Variants in CDC42BPB observed in about 807,000 individuals in gnomAD.
CDC42BPB encodes CDC42 binding protein kinase beta.
A neutral mutation model predicts 214.9 loss-of-function variants in CDC42BPB; 37 were observed. The ratio of observed to expected loss-of-function variants is 0.17; its 90% confidence interval spans 0.13 to 0.23. The LOEUF (loss-of-function observed/expected upper bound fraction) is 0.23, where lower values mean the gene tolerates loss of function less well. CDC42BPB is among the 10% of genes least tolerant of loss of function. The probability of loss-of-function intolerance (pLI) is 1.00; values close to 1 mark genes in which losing one functional copy is unlikely to be tolerated. For missense variants in CDC42BPB, 1,694 were observed against 2,227.0 expected (o/e 0.76, Z 4.82); for synonymous variants, 931 against 884.0 (o/e 1.05, Z -0.94).
chr14:102,967,404 G>T (rs1375853706), intron 16 of CDC42BPB: 3 of 954,114 alleles, frequency 3.1e-6, no homozygotes, highest in East Asian at 2.3e-4. Flanking sequence ...CAGGCAATTG[G>T]CATCTTTTCG....
At chr14:102,995,210 T>C (rs1894673462) in intron 5 of CDC42BPB, among the ~76,000 whole-genome samples, 1 of 152,058 alleles carries the variant, frequency 6.6e-6, no homozygotes, top group South Asian at 2.1e-4. Context: ...GTATCGCTCT[T>C]GTTCTCCAGG....
intron 1 of CDC42BPB, among the ~76,000 whole-genome samples, chr14:103,055,241 T>G (rs925851778): frequency 6.6e-6 from 1 of 152,118 alleles, no homozygotes; most frequent in Non-Finnish European, 1.5e-5. Flanking sequence ...TGGCCAACAC[T>G]GTGAAACCCC....
rs367865440 is a variant in CDC42BPB, at chr14:102,975,764, C to A, written c.1427G>T (p.Arg476Leu). Residue 476 changes from arginine to leucine, a missense_variant, in exon 11 of 37, where the codon CGG (arginine) becomes CTG (leucine). This residue lies in a region of CDC42BPB where 462 missense variants were observed against 513.5 expected (regional missense o/e 0.90). Transcript: ENST00000361246. ...ATCTCGGTTTGAATTGCTGAGGGCC[C>A]GAGATGAGCCGTGGAGGGACTGCAC... Reference protein sequence around the residue: ...QTVQSLHGSSRALSNSNRDKE... With the variant: ...QTVQSLHGSSLALSNSNRDKE... The A allele has an allele frequency of 1.2e-6, 2 of 1,613,980 alleles. No homozygotes were observed. Among genetic ancestry groups the A allele is most frequent in the East Asian group, 4.5e-5 (2 of 44,896 alleles).
chr14:103,007,428 C>A (rs1299045530), intron 3 of CDC42BPB, among the ~76,000 whole-genome samples: 3 of 152,242 alleles, frequency 2.0e-5, no homozygotes, highest in East Asian at 3.9e-4. Context: ...AAGGTGGCAA[C>A]CATCATGGGC....
intron 16 of CDC42BPB, among the ~76,000 whole-genome samples, chr14:102,967,503 G>C (rs36043797): frequency 6.6e-6 from 1 of 152,200 alleles, no homozygotes; most frequent in Admixed American, 6.5e-5. Context: ...GCAAGAACAC[G>C]GTCTGAGAAA....
At chr14:103,000,360 G>A (rs746886517) in intron 4 of CDC42BPB, among the ~76,000 whole-genome samples, 4 of 152,272 alleles carry the variant, frequency 2.6e-5, no homozygotes, top group Non-Finnish European at 2.9e-5. Flanking sequence ...CCCGAGGTGA[G>A]CCTGCGTAGA....
At chr14:103,008,583 G>C in intron 2 of CDC42BPB, 28 bp from the exon 3 acceptor site, 1 of 1,590,902 alleles carries the variant, frequency 6.3e-7, no homozygotes, top group Non-Finnish European at 8.6e-7. Flanking sequence ...GTTGAACAAA[G>C]ATGCGGTTCT....
intron 2 of CDC42BPB, among the ~76,000 whole-genome samples, chr14:103,011,144 T>C (rs1266406291): frequency 1.3e-5 from 2 of 152,226 alleles, no homozygotes; most frequent in Non-Finnish European, 2.9e-5. Flanking sequence ...GGCAGAACTG[T>C]TCTGCAAGGC....
chr14:102,938,091 G>A lies in CDC42BPB; in HGVS notation c.5004+13C>T, dbSNP rs1233136463. 1.2e-6 allele frequency: 2 copies of A among 1,613,394 alleles called. No individual in the cohort carries two copies. Among genetic ancestry groups the A allele is most frequent in the East Asian group, 4.5e-5 (2 of 44,886 alleles). ...GGCTCATAGCCTCAGCACTGGACCTGGGCAAGTCTCACCTCTTTGTCAAAG... is the reference window on the plus strand; with the variant it reads ...GGCTCATAGCCTCAGCACTGGACCTAGGCAAGTCTCACCTCTTTGTCAAAG... On this transcript the variant is annotated intron_variant, in intron 36 of 36. Coordinates refer to ENST00000361246, the MANE Select transcript of CDC42BPB (RefSeq NM_006035.4).
chr14:103,043,783 T>C (rs1158083536), intron 1 of CDC42BPB, among the ~76,000 whole-genome samples: 1 of 152,046 alleles, frequency 6.6e-6, no homozygotes, highest in Non-Finnish European at 1.5e-5. Context: ...TAAATTTCTC[T>C]ATATTGCTGA....
At chr14:103,041,973 CGAG>C (rs879359024) in intron 1 of CDC42BPB, 37 of 335,954 alleles carry the variant, frequency 1.1e-4, no homozygotes, top group Non-Finnish European at 1.6e-4. Context: ...AAGTCATCAC[CGAG>C]GAGAAGAATT....
At chr14:103,026,604 C>T (rs898864807) in intron 1 of CDC42BPB, among the ~76,000 whole-genome samples, 1 of 152,042 alleles carries the variant, frequency 6.6e-6, no homozygotes, top group African/African-American at 2.4e-5. Flanking sequence ...TGGCTCACAC[C>T]TGTAATCCCA....
chr14:102,991,670 G>A (rs1228009019), intron 5 of CDC42BPB, among the ~76,000 whole-genome samples: 3 of 152,246 alleles, frequency 2.0e-5, no homozygotes, highest in Admixed American at 6.5e-5. Context: ...GGAGAGGGAG[G>A]GGGATGTATA....
At chr14:102,967,574 A>C (rs981203961) in intron 16 of CDC42BPB, among the ~76,000 whole-genome samples, 16 of 152,240 alleles carry the variant, frequency 1.1e-4, no homozygotes, top group Admixed American at 3.3e-4. Flanking sequence ...CGGCTGCCGC[A>C]CACCAGGCCC....
At chr14:102,959,571 G>T in intron 21 of CDC42BPB, 60 bp downstream of exon 21, 1 of 1,155,146 alleles carries the variant, frequency 8.7e-7, no homozygotes, top group Non-Finnish European at 1.3e-6. Flanking sequence ...AATCATATAT[G>T]ACACTATTTC....
chr14:102,953,826 G>C (rs892707242), intron 23 of CDC42BPB, among the ~76,000 whole-genome samples: 5 of 152,190 alleles, frequency 3.3e-5, no homozygotes, highest in African/African-American at 1.2e-4. Context: ...CAGCCACATG[G>C]TTCTGTAAGG....
intron 36 of CDC42BPB, chr14:102,937,244 C>T (rs1357109907): frequency 6.6e-6 from 1 of 152,556 alleles, no homozygotes; most frequent in Non-Finnish European, 1.5e-5. Flanking sequence ...AAAGTAACAG[C>T]AGTGCTTGCT....
At chr14:102,973,257 G>A (rs1893567955) in intron 12 of CDC42BPB, among the ~76,000 whole-genome samples, 1 of 152,192 alleles carries the variant, frequency 6.6e-6, no homozygotes, top group Non-Finnish European at 1.5e-5. Flanking sequence ...TCACTCACGT[G>A]GATGACCCAC....
At chr14:102,962,743 C>T (rs1469451666) in intron 20 of CDC42BPB, among the ~76,000 whole-genome samples, 1 of 152,146 alleles carries the variant, frequency 6.6e-6, no homozygotes, top group African/African-American at 2.4e-5. Flanking sequence ...ATCCCAGCTA[C>T]TTGCGAGGCT....
Sources: allele counts gnomAD v4.1 joint callset (sites outside exome capture counted in the v4.1 genomes callset), GRCh38; gene constraint gnomAD v4.1.1; regional missense constraint gnomAD v4.1.1; transcripts MANE v1.5; gene names NCBI Gene and HGNC (gene_info 2026-07-23, HGNC 2026-07-21).